MYO16: variants seen among roughly 807,000 people sequenced by gnomAD.
The protein encoded by MYO16 is unconventional myosin-XVI.
In MYO16, 94 loss-of-function variants were observed where a neutral mutation model predicts 205.3. That is an observed-to-expected ratio of 0.46 (90% CI 0.39 to 0.54). MYO16 has a LOEUF of 0.54. Among genes scored for constraint, MYO16 ranks in the 20% least tolerant of loss-of-function variants. The probability of loss-of-function intolerance (pLI) is 0.00; values close to 1 mark genes in which losing one functional copy is unlikely to be tolerated. For synonymous variants in MYO16, 988 were observed against 954.0 expected, an observed-to-expected ratio of 1.04 and a Z score of -0.66; for missense variants, 2,315 against 2,387.5, an observed-to-expected ratio of 0.97 and a Z score of 0.63.
At chr13:109,129,072 T>G (rs1250263550) in intron 31 of MYO16, among the ~76,000 whole-genome samples, 1 of 133,156 alleles carries the variant, frequency 7.5e-6, no homozygotes, top group East Asian at 2.2e-4. Context: ...GCGCCAGGCC[T>G]TTTTTTTTTT....
chr13:108,706,283 A>G (rs1410186913), intron 2 of MYO16, among the ~76,000 whole-genome samples: 1 of 152,190 alleles, frequency 6.6e-6, no homozygotes, highest in East Asian at 1.9e-4. Flanking sequence ...AAAGGATTTC[A>G]TATTGTGGCA....
intron 16 of MYO16, among the ~76,000 whole-genome samples, chr13:108,942,479 A>G (rs905130035): frequency 6.6e-6 from 1 of 152,210 alleles, no homozygotes; most frequent in Admixed American, 6.5e-5. Context: ...TTGTTTTTAG[A>G]ACAGGCAGCA....
Position 109,045,556 on chromosome 13 carries a change from A to G in MYO16, c.2797-1360A>G, listed in dbSNP as rs1887014252. On this transcript the variant is annotated intron_variant, in intron 23 of 34. Coordinates refer to ENST00000457511, the MANE Select transcript of MYO16 (RefSeq NM_001198950.3). ...GATTTTGGCATTGTCCCCCAGCTCAACTGATCTTCTGACCCAAATTTATTG... is the reference window on the plus strand; with the variant it reads ...GATTTTGGCATTGTCCCCCAGCTCAGCTGATCTTCTGACCCAAATTTATTG... Among the ~76,000 whole-genome samples the G allele has an allele frequency of 1.3e-5, 2 of 152,218 alleles. 1 individual carries two copies. The highest frequency in any genetic ancestry group is 4.1e-4 in the South Asian group (2 of 4,836).
chr13:108,933,764 C>T (rs1175395280), intron 16 of MYO16, among the ~76,000 whole-genome samples: 1 of 152,082 alleles, frequency 6.6e-6, no homozygotes, highest in Non-Finnish European at 1.5e-5. Context: ...TTCCTCCCAC[C>T]TCTGGTAGTC....
At chr13:108,526,318 TA>T in the MYO16 span, among the ~76,000 whole-genome samples, 1 of 152,194 alleles carries the variant, frequency 6.6e-6, no homozygotes, top group African/African-American at 2.4e-5. Flanking sequence ...ATACATTTCA[TA>T]AAAAGGCTAC....
chr13:109,120,333 C>T, intron 28 of MYO16, 37 bp from the exon 29 acceptor site: 1 of 1,405,336 alleles, frequency 7.1e-7, no homozygotes, highest in Non-Finnish European at 9.9e-7. Flanking sequence ...TTGGTATCTT[C>T]ATGCTGTTAA....
intron 34 of MYO16, among the ~76,000 whole-genome samples, chr13:109,184,000 A>T (rs1362835335): frequency 6.6e-6 from 1 of 152,214 alleles, no homozygotes; most frequent in African/African-American, 2.4e-5. Context: ...AATAAATCCA[A>T]TGCCTTCTTT....
At chr13:109,100,490 T>C (rs1888926491) in intron 27 of MYO16, among the ~76,000 whole-genome samples, 1 of 152,228 alleles carries the variant, frequency 6.6e-6, no homozygotes, top group African/African-American at 2.4e-5. Flanking sequence ...TTAATTTTCA[T>C]TCCTTTCAAA....
chr13:108,968,376 A>G (rs776857671), intron 20 of MYO16, among the ~76,000 whole-genome samples: 2 of 152,192 alleles, frequency 1.3e-5, no homozygotes, highest in Non-Finnish European at 2.9e-5. Context: ...TTGGGAGGCC[A>G]ACGCGGGTGG....
At chr13:109,115,365 C>A (rs1029730567) in intron 28 of MYO16, among the ~76,000 whole-genome samples, 1 of 149,008 alleles carries the variant, frequency 6.7e-6, no homozygotes, top group African/African-American at 2.5e-5. Context: ...AGAAAAAAAA[C>A]CTAATGGTTT....
At chr13:108,812,816 C>A (rs540143790) in intron 7 of MYO16, among the ~76,000 whole-genome samples, 1 of 152,204 alleles carries the variant, frequency 6.6e-6, no homozygotes, top group East Asian at 1.9e-4. Flanking sequence ...AGGAGTGTTT[C>A]TCTCTCCTGC....
At chr13:108,987,346 A>G (rs1319378618) in intron 20 of MYO16, among the ~76,000 whole-genome samples, 2 of 152,010 alleles carry the variant, frequency 1.3e-5, no homozygotes, top group Admixed American at 6.6e-5. Context: ...AAAGAGAGGA[A>G]CCCCCAAAAG....
intron 4 of MYO16, among the ~76,000 whole-genome samples, chr13:108,749,342 C>T (rs1031196054): frequency 3.3e-5 from 5 of 152,170 alleles, no homozygotes; most frequent in Admixed American, 3.3e-4. Context: ...ATAACCACTA[C>T]TTTACTCTCT....
intron 1 of MYO16, among the ~76,000 whole-genome samples, chr13:108,648,184 G>A: frequency 6.6e-6 from 1 of 152,182 alleles, no homozygotes; most frequent in East Asian, 1.9e-4. Flanking sequence ...GGGCCATAAT[G>A]GGACAAAGAT....
At chr13:108,908,576 CCTTT>C (rs1165581006) in intron 15 of MYO16, among the ~76,000 whole-genome samples, 3 of 151,978 alleles carry the variant, frequency 2.0e-5, no homozygotes, top group Non-Finnish European at 4.4e-5. Flanking sequence ...CATTTATTTG[CCTTT>C]CTAAGAACTG....
chr13:109,037,622 A>G (rs960958958), intron 23 of MYO16, among the ~76,000 whole-genome samples: 11 of 152,140 alleles, frequency 7.2e-5, no homozygotes, highest in African/African-American at 2.7e-4. Context: ...ATGCAAAGGT[A>G]GGTAGGAACA....
chr13:108,727,132 GT>G (rs138615655), intron 3 of MYO16, among the ~76,000 whole-genome samples: 7 of 151,562 alleles, frequency 4.6e-5, no homozygotes, highest in Admixed American at 1.3e-4. Flanking sequence ...AATGGTTCAA[GT>G]TTTTTTTAAA....
intron 6 of MYO16, among the ~76,000 whole-genome samples, chr13:108,795,696 A>G (rs528892750): frequency 3.6e-4 from 55 of 152,358 alleles, no homozygotes; most frequent in African/African-American, 1.2e-3. Context: ...ATGAAGAAAT[A>G]TAATTGGCCA....
chr13:109,089,273 G>C (rs1203919229), intron 27 of MYO16, among the ~76,000 whole-genome samples: 1 of 151,806 alleles, frequency 6.6e-6, no homozygotes, highest in Non-Finnish European at 1.5e-5. Context: ...GAGTGCAGTG[G>C]CATGATCTTG....
Sources: allele counts gnomAD v4.1 joint callset (sites outside exome capture counted in the v4.1 genomes callset), GRCh38; gene constraint gnomAD v4.1.1; transcripts MANE v1.5; gene names NCBI Gene and HGNC (gene_info 2026-07-23, HGNC 2026-07-21).